CADM2: variants seen among roughly 807,000 people sequenced by gnomAD.
The protein encoded by CADM2 is immunoglobulin superfamily member 4D.
CADM2 carries 12 observed loss-of-function variants against 49.8 expected under a neutral mutation model. That is an observed-to-expected ratio of 0.24 (90% CI 0.15 to 0.39). The LOEUF is 0.39. CADM2 is among the 10% of genes least tolerant of loss of function. The probability of loss-of-function intolerance (pLI) is 1.00; values close to 1 mark genes in which losing one functional copy is unlikely to be tolerated. For synonymous variants in CADM2, 214 were observed against 175.4 expected, an observed-to-expected ratio of 1.22 and a Z score of -1.74; for missense variants, 378 against 492.3, an observed-to-expected ratio of 0.77 and a Z score of 2.20.
intron 1 of CADM2, among the ~76,000 whole-genome samples, chr3:85,166,812 C>T (rs140079545): frequency 1.4e-4 from 21 of 151,938 alleles, no homozygotes; most frequent in Admixed American, 3.9e-4. Context: ...TTTAAATACT[C>T]GGATGATGAA....
chr3:86,006,469 T>C (rs895259657), intron 8 of CADM2, among the ~76,000 whole-genome samples: 14 of 152,176 alleles, frequency 9.2e-5, no homozygotes, highest in African/African-American at 3.4e-4. Context: ...GCACTCAACC[T>C]GTTGAAGGCT....
intron 8 of CADM2, among the ~76,000 whole-genome samples, chr3:85,965,550 A>G (rs1388768844): frequency 6.6e-6 from 1 of 151,522 alleles, no homozygotes; most frequent in Non-Finnish European, 1.5e-5. Context: ...CGGAACATAA[A>G]TTAGGTTAAC....
In CADM2 at chr3:86,069,708, A is replaced by G. The variant is rs1371481968; in HGVS notation, c.*2925A>G. ...CAATGGAAGCAGTGTGCACACACAC[A>G]CACCCTTAGTAGAATATGGAGCATT... On this transcript the variant is annotated 3_prime_UTR_variant, in exon 10 of 10. Coordinates refer to ENST00000383699, the MANE Select transcript of CADM2 (RefSeq NM_001167675.2). 1 of 152,024 alleles carries G rather than the reference A, an allele frequency of 6.6e-6. No individual in the cohort carries two copies. The highest frequency in any genetic ancestry group is 1.5e-5 in the Non-Finnish European group (1 of 67,892). 9.4% of individuals were successfully genotyped at this position (152,024 alleles called of 1,614,324 possible). A position where few individuals can be genotyped will look rare whatever the true frequency, so the allele number is the denominator to read the frequency against.
At chr3:85,991,660 C>A (rs907226413) in intron 8 of CADM2, among the ~76,000 whole-genome samples, 28 of 151,930 alleles carry the variant, frequency 1.8e-4, no homozygotes, top group African/African-American at 6.5e-4. Flanking sequence ...TTATTACGAG[C>A]ATCAAAATAA....
rs1319024557 is a variant in CADM2 at position 85,638,083 on chromosome 3, ATAG to A, written c.62-88437_62-88435del. 2.0e-5 allele frequency among the ~76,000 whole-genome samples: 3 copies of A among 152,208 alleles called. No individual in the cohort carries two copies. The East Asian group carries it at 5.8e-4, about 29-fold the overall frequency. ...ACACAAATTCCCTTAACACATCAGC[ATAG>A]TTCAGTAAATGTTGATTTGCAACCA... On this transcript the variant is annotated intron_variant, in intron 1 of 9. Coordinates refer to ENST00000383699, the MANE Select transcript of CADM2 (RefSeq NM_001167675.2).
At chr3:85,152,629 G>A (rs72907161) in intron 1 of CADM2, among the ~76,000 whole-genome samples, 10,760 of 151,966 alleles carry the variant, frequency 0.071, 1,270 homozygotes, top group African/African-American at 0.24. Flanking sequence ...CTACTTAGAT[G>A]ACCTTCTGTC....
chr3:85,678,181 C>T (rs895285563), intron 1 of CADM2, among the ~76,000 whole-genome samples: 1 of 152,076 alleles, frequency 6.6e-6, no homozygotes, highest in Non-Finnish European at 1.5e-5. Context: ...TGAGAGGTGA[C>T]GACTGAGTTG....
chr3:85,664,802 G>A (rs2065516124), intron 1 of CADM2, among the ~76,000 whole-genome samples: 1 of 151,876 alleles, frequency 6.6e-6, no homozygotes, highest in Non-Finnish European at 1.5e-5. Context: ...CTCTATAATT[G>A]AATTTCCCTT....
chr3:85,372,433 A>ATGTATATATG (rs71108285), intron 1 of CADM2, among the ~76,000 whole-genome samples: 14,215 of 131,186 alleles, frequency 0.11, 2,365 homozygotes, highest in African/African-American at 0.35. Flanking sequence ...GTGTGTATAT[A>ATGTATATATG]TGTATATATG....
rs1339814017 is a variant in CADM2, at chr3:85,715,077, T to G, written c.62-11445T>G. On this transcript the variant is annotated intron_variant, in intron 1 of 9. Transcript: ENST00000383699. ...TATAAATACATTTCTAATTACACAT[T>G]TATGTGATTCTACAATATAGTATTC... Among the ~76,000 whole-genome samples, 3 of 152,306 alleles carry G rather than the reference T, an allele frequency of 2.0e-5. No individual in the cohort carries two copies. In the East Asian group the frequency reaches 5.8e-4, roughly 29 times the overall value.
Position 86,066,905 on chromosome 3 carries a change from T to C in CADM2, c.*122T>C. 1.4e-6 allele frequency: 1 copy of C among 700,714 alleles called. No homozygotes were observed. Among genetic ancestry groups the C allele is most frequent in the Non-Finnish European group, 2.5e-6 (1 of 392,336 alleles). The allele number at this position is 700,714 out of a possible 1,614,324, so 43.4% of individuals were successfully genotyped here. ...CTTATTAACTCCCATACTGTACTGCTATCAGTAGCCAGTGTATACCAACAA... is the reference window on the plus strand; with the variant it reads ...CTTATTAACTCCCATACTGTACTGCCATCAGTAGCCAGTGTATACCAACAA... On this transcript the variant is annotated 3_prime_UTR_variant, in exon 10 of 10. Coordinates refer to ENST00000383699, the MANE Select transcript of CADM2 (RefSeq NM_001167675.2).
At chr3:85,756,805 T>G (rs2107884424) in intron 2 of CADM2, among the ~76,000 whole-genome samples, 1 of 152,308 alleles carries the variant, frequency 6.6e-6, no homozygotes, top group South Asian at 2.1e-4. Context: ...GAAAATAAAT[T>G]ATTTTATTTT....
intron 1 of CADM2, among the ~76,000 whole-genome samples, chr3:85,132,784 G>A (rs2039276128): frequency 6.6e-6 from 1 of 152,078 alleles, no homozygotes; most frequent in Non-Finnish European, 1.5e-5. Context: ...CTAACATAAG[G>A]GAAGCTTTTG....
At chr3:85,696,226 T>C (rs913591002) in intron 1 of CADM2, among the ~76,000 whole-genome samples, 1 of 152,316 alleles carries the variant, frequency 6.6e-6, no homozygotes, top group South Asian at 2.1e-4. Flanking sequence ...ATCTGTTTAC[T>C]CTGTTGATTA....
chr3:85,744,633 G>A (rs567983777), intron 2 of CADM2, among the ~76,000 whole-genome samples: 3 of 152,276 alleles, frequency 2.0e-5, no homozygotes, highest in South Asian at 4.1e-4. Flanking sequence ...GCAGCCATGA[G>A]GCTATTGGGG....
intron 2 of CADM2, among the ~76,000 whole-genome samples, chr3:85,755,624 C>A (rs2069078729): frequency 6.6e-6 from 1 of 152,058 alleles, no homozygotes; most frequent in Non-Finnish European, 1.5e-5. Flanking sequence ...GGGTAAGCCT[C>A]AGGAAACTCA....
chr3:85,256,337 T>C (rs781339659), intron 1 of CADM2, among the ~76,000 whole-genome samples: 56 of 152,120 alleles, frequency 3.7e-4, no homozygotes, highest in Middle Eastern at 6.8e-3. Context: ...AAAGATAAAA[T>C]AAAACTTCCA....
At chr3:85,638,971 AAAC>A (rs2064614089) in intron 1 of CADM2, among the ~76,000 whole-genome samples, 2 of 152,190 alleles carry the variant, frequency 1.3e-5, no homozygotes, top group African/African-American at 4.8e-5. Context: ...GCACTTGTTA[AAAC>A]AACAATATTT....
intron 1 of CADM2, among the ~76,000 whole-genome samples, chr3:85,117,724 T>TG: frequency 6.6e-6 from 1 of 152,304 alleles, no homozygotes; most frequent in Non-Finnish European, 1.5e-5. Flanking sequence ...CTTCAGTAGT[T>TG]CACTTACACA....
Sources: allele counts gnomAD v4.1 joint callset (sites outside exome capture counted in the v4.1 genomes callset), GRCh38; gene constraint gnomAD v4.1.1; transcripts MANE v1.5; gene names NCBI Gene and HGNC (gene_info 2026-07-23, HGNC 2026-07-21).